The following RABGEF1 variants were observed in gnomAD, a reference collection of about 807,000 sequenced individuals.
The protein encoded by RABGEF1 is rab5 GDP/GTP exchange factor.
In RABGEF1, 26 loss-of-function variants were observed where a neutral mutation model predicts 57.3. The observed-to-expected ratio is 0.45, with a 90% CI of 0.33 to 0.63. The LOEUF is 0.63. Among genes scored for constraint, RABGEF1 ranks in the 20% least tolerant of loss-of-function variants. RABGEF1 has a pLI of 0.02. For synonymous variants in RABGEF1, 185 were observed against 210.7 expected, an observed-to-expected ratio of 0.88 and a Z score of 1.06; for missense variants, 464 against 607.6, an observed-to-expected ratio of 0.76 and a Z score of 2.48.
At chr7:66,701,252 G>A (rs148595826) in intron 1 of RABGEF1, among the ~76,000 whole-genome samples, 2 of 152,270 alleles carry the variant, frequency 1.3e-5, no homozygotes, top group African/African-American at 2.4e-5. Flanking sequence ...TAATCTCCAC[G>A]CTTTCAGAGG....
At chr7:66,662,968 G>C in the RABGEF1 span, among the ~76,000 whole-genome samples, 1 of 152,250 alleles carries the variant, frequency 6.6e-6, no homozygotes. Flanking sequence ...GTGTGCAGGT[G>C]TGTATGTTCA....
intron 1 of RABGEF1, among the ~76,000 whole-genome samples, chr7:66,761,802 G>A (rs1024716895): frequency 3.3e-5 from 5 of 152,008 alleles, no homozygotes; most frequent in African/African-American, 1.2e-4. Context: ...CTGTAATCCC[G>A]CACTTTGGGA....
intron 1 of RABGEF1, among the ~76,000 whole-genome samples, chr7:66,702,345 G>A (rs1268474214): frequency 8.2e-6 from 1 of 122,692 alleles, no homozygotes; most frequent in Admixed American, 8.4e-5. Flanking sequence ...CTATTGTTTT[G>A]TTTGTGTGTG....
At chr7:66,761,115 T>G (rs1804220731) in intron 1 of RABGEF1, among the ~76,000 whole-genome samples, 1 of 152,214 alleles carries the variant, frequency 6.6e-6, no homozygotes, top group Non-Finnish European at 1.5e-5. Context: ...TTTCCTCTGC[T>G]CACGCCACAG....
intron 1 of RABGEF1, among the ~76,000 whole-genome samples, chr7:66,687,483 CAAAAAAAA>C (rs67647811): frequency 2.5e-5 from 3 of 120,862 alleles, no homozygotes; most frequent in African/African-American, 1.0e-4. Context: ...TTGTTTAAGC[CAAAAAAAA>C]AAAAAAAAGA....
Position 66,809,274 on chromosome 7 carries a change from A to T in RABGEF1, c.1466A>T (p.Tyr489Phe), listed in dbSNP as rs1789153730. The change falls in exon 9 of 9, where the codon TAT becomes TTT. Residue 489 changes from tyrosine to phenylalanine, a missense_variant. Tyr to Phe is a conservative substitution (Grantham distance 22). Coordinates refer to ENST00000284957, the MANE Select transcript of RABGEF1 (RefSeq NM_014504.3). ...KLPPPLQPQV[Y>F]AG ...CCTCCACCACTGCAACCTCAAGTTTATGCAGGATGATCACAATTTAGTGGA... is the reference window on the plus strand; with the variant it reads ...CCTCCACCACTGCAACCTCAAGTTTTTGCAGGATGATCACAATTTAGTGGA... 1 of 1,606,948 alleles carries T rather than the reference A, an allele frequency of 6.2e-7. No homozygotes were observed. The highest frequency in any genetic ancestry group is 8.5e-7 in the Non-Finnish European group (1 of 1,175,200).
At chr7:66,658,871 G>T in the RABGEF1 span, among the ~76,000 whole-genome samples, 1 of 151,994 alleles carries the variant, frequency 6.6e-6, no homozygotes, top group Non-Finnish European at 1.5e-5. Context: ...GAGTAGCTGG[G>T]ACTACAGGCG....
chr7:66,740,139 G>A (rs1253279944), upstream of RABGEF1: 2 of 152,276 alleles, frequency 1.3e-5, no homozygotes, highest in African/African-American at 2.4e-5. Context: ...CGGCTGATTT[G>A]TAAAATTTCT....
chr7:66,696,707 A>G (rs376730434), intron 1 of RABGEF1, among the ~76,000 whole-genome samples: 5,271 of 144,336 alleles, frequency 0.037, 151 homozygotes, highest in East Asian at 0.085. Flanking sequence ...AAAAAAAAAA[A>G]AAAAAGAAAA....
intron 3 of RABGEF1, among the ~76,000 whole-genome samples, chr7:66,783,272 T>A (rs1380550498): frequency 6.6e-6 from 1 of 152,230 alleles, no homozygotes; most frequent in Non-Finnish European, 1.5e-5. Flanking sequence ...TATAAGTCAT[T>A]TAACATGTCA....
intron 2 of RABGEF1, among the ~76,000 whole-genome samples, chr7:66,719,773 CAT>C (rs1478109619): frequency 1.5e-4 from 23 of 152,160 alleles, no homozygotes. Context: ...TTTATTGAAA[CAT>C]AGCCACATTT....
intron 1 of RABGEF1, among the ~76,000 whole-genome samples, chr7:66,747,812 A>G (rs1406158896): frequency 6.6e-6 from 1 of 152,286 alleles, no homozygotes; most frequent in Non-Finnish European, 1.5e-5. Context: ...AATTTTTTTC[A>G]GTGGAACATA....
At chr7:66,704,819 A>G (rs1793772303) in intron 1 of RABGEF1, among the ~76,000 whole-genome samples, 1 of 152,116 alleles carries the variant, frequency 6.6e-6, no homozygotes. Context: ...TCAAAAAAAA[A>G]AAAAAAAGTT....
chr7:66,741,668 C>A (rs749229566), intron 1 of RABGEF1, among the ~76,000 whole-genome samples: 1 of 152,118 alleles, frequency 6.6e-6, no homozygotes, highest in African/African-American at 2.4e-5. Context: ...GAGCTGCTTT[C>A]CCCCCTCTAA....
intron 1 of RABGEF1, among the ~76,000 whole-genome samples, chr7:66,757,263 A>G (rs1355635455): frequency 1.3e-5 from 2 of 151,858 alleles, no homozygotes; most frequent in East Asian, 1.9e-4. Flanking sequence ...TATCTTTTTT[A>G]TACTTTCTAA....
intron 2 of RABGEF1, among the ~76,000 whole-genome samples, chr7:66,728,118 T>C (rs1796802032): frequency 6.6e-6 from 1 of 152,194 alleles, no homozygotes; most frequent in South Asian, 2.1e-4. Context: ...CCTTTGTGTC[T>C]GCTCAGGAAG....
intron 2 of RABGEF1, among the ~76,000 whole-genome samples, chr7:66,772,905 C>CT (rs946821871): frequency 6.7e-6 from 1 of 148,640 alleles, no homozygotes; most frequent in Non-Finnish European, 1.5e-5. Flanking sequence ...GAGTGAGACT[C>CT]TGTCTCAAAA....
chr7:66,788,365 A>G (rs370510240), intron 4 of RABGEF1, among the ~76,000 whole-genome samples: 1 of 152,186 alleles, frequency 6.6e-6, no homozygotes, highest in East Asian at 1.9e-4. Flanking sequence ...GAATCACTTG[A>G]ACCCAAAAGG....
At chr7:66,785,766 T>C (rs1181500494) in intron 4 of RABGEF1, among the ~76,000 whole-genome samples, 7 of 151,828 alleles carry the variant, frequency 4.6e-5, no homozygotes, top group African/African-American at 1.5e-4. Context: ...CCCAGCTACT[T>C]GGGAGGCTGA....
Sources: gnomAD v4.1 joint callset for allele counts (sites outside exome capture counted in the v4.1 genomes callset) on GRCh38, gnomAD v4.1.1 for gene constraint, MANE v1.5 for transcripts, NCBI Gene and HGNC (gene_info 2026-07-23, HGNC 2026-07-21) for gene names.